Variants in SMAD2 observed in about 807,000 individuals in gnomAD.
SMAD2 encodes the protein SMAD family member 2.
A neutral mutation model predicts 64.4 loss-of-function variants in SMAD2; 8 were observed. The observed-to-expected ratio is 0.12, with a 90% CI of 0.07 to 0.22. SMAD2 has a LOEUF of 0.22. Among genes scored for constraint, SMAD2 ranks in the 10% least tolerant of loss-of-function variants. The pLI, the probability that SMAD2 is intolerant of heterozygous loss-of-function variation, is 1.00. For synonymous variants in SMAD2, 203 were observed against 195.8 expected (o/e 1.04, Z -0.31); for missense variants, 289 against 561.2 (o/e 0.51, Z 4.90).
At chr18:47,848,719 A>G (rs1223886105) in intron 7 of SMAD2, 32 bp from the exon 8 acceptor site, 1 of 1,452,934 alleles carries the variant, frequency 6.9e-7, no homozygotes, top group Non-Finnish European at 9.5e-7. Flanking sequence ...AAATAATAAA[A>G]GGAAGAAATG....
At position 47,930,441 on chromosome 18, in the gene SMAD2, AG is replaced by A. The variant is rs927373563; in HGVS notation, c.-135del. 1.3e-5 allele frequency: 2 copies of A among 151,428 alleles called. No homozygotes were observed. The highest frequency in any genetic ancestry group is 4.9e-5 in the African/African-American group (2 of 41,098). The allele number at this position is 151,428 out of a possible 1,614,324, so 9.4% of individuals were successfully genotyped here. ...GTTCCTTCCTCTTCCGATGGGATGG[AG>A]GGGGCTGGGAGGGGAAGAGGGGAAT... On this transcript the variant is annotated 5_prime_UTR_variant, in exon 1 of 11. Coordinates refer to ENST00000262160, the MANE Select transcript of SMAD2 (RefSeq NM_005901.6).
At position 47,829,950 on chromosome 18, in the gene SMAD2, C is replaced by T. The variant is rs142118224; in HGVS notation, c.*11877G>A. ...AAAAATTTGAATTTCCCTTTGCCTA[C>T]AAGTCTAAGTAACTTGCAGCAGCAA... On this transcript the variant is annotated 3_prime_UTR_variant, in exon 11 of 11. Transcript: ENST00000262160. 354 of 152,298 alleles carry T rather than the reference C, an allele frequency of 2.3e-3. 2 individuals carry two copies. The highest frequency in any genetic ancestry group is 8.1e-3 in the African/African-American group (337 of 41,566). The allele number at this position is 152,298 out of a possible 1,614,324, so 9.4% of individuals were successfully genotyped here. A position where few individuals can be genotyped will look rare whatever the true frequency, so the allele number is the denominator to read the frequency against.
chr18:47,893,531 G>A (rs1344552194), intron 2 of SMAD2, among the ~76,000 whole-genome samples: 11 of 152,208 alleles, frequency 7.2e-5, no homozygotes, highest in Non-Finnish European at 1.0e-4. Flanking sequence ...CTGAGTAAAC[G>A]TGCTTACAAA....
In SMAD2 at chr18:47,814,396, T is replaced by C. The variant is rs1015289180; in HGVS notation, c.*27431A>G. Reference sequence around the variant, plus strand: ...AGAATGAGAAGGGAGTTCTACATGCTAAGAGCTCCATTCACATACTAAAAG... The same window carrying C: ...AGAATGAGAAGGGAGTTCTACATGCCAAGAGCTCCATTCACATACTAAAAG... On this transcript the variant is annotated 3_prime_UTR_variant, in exon 11 of 11. Coordinates refer to ENST00000262160, the MANE Select transcript of SMAD2 (RefSeq NM_005901.6). 2.6e-5 allele frequency: 4 copies of C among 152,214 alleles called. No individual in the cohort carries two copies. The highest frequency in any genetic ancestry group is 4.8e-5 in the African/African-American group (2 of 41,460). 9.4% of individuals were successfully genotyped at this position (152,214 alleles called of 1,614,324 possible).
At chr18:47,901,359 T>G (rs1184228709) in intron 1 of SMAD2, among the ~76,000 whole-genome samples, 1 of 152,148 alleles carries the variant, frequency 6.6e-6, no homozygotes, top group Non-Finnish European at 1.5e-5. Flanking sequence ...TGGTATACCT[T>G]TTCGCATCAT....
intron 1 of SMAD2, among the ~76,000 whole-genome samples, chr18:47,917,321 T>C (rs1196492115): frequency 6.6e-6 from 1 of 152,234 alleles, no homozygotes; most frequent in Non-Finnish European, 1.5e-5. Context: ...TTACACCTAG[T>C]ATATCTTTTC....
chr18:47,851,225 G>A (rs1598764269), intron 7 of SMAD2, 49 bp downstream of exon 7: 2 of 1,237,888 alleles, frequency 1.6e-6, no homozygotes, highest in Non-Finnish European at 2.4e-6. Context: ...TTATTATTAA[G>A]TAGGTGATAC....
intron 10 of SMAD2, among the ~76,000 whole-genome samples, chr18:47,843,386 C>T (rs991486800): frequency 2.6e-5 from 4 of 152,160 alleles, no homozygotes; most frequent in Admixed American, 2.0e-4. Context: ...GCCCTGTTCT[C>T]CCCTGTCCCA....
intron 1 of SMAD2, among the ~76,000 whole-genome samples, chr18:47,929,865 C>T (rs924913616): frequency 3.9e-5 from 6 of 152,138 alleles, no homozygotes; most frequent in Admixed American, 2.0e-4. Flanking sequence ...AGGCTCCACC[C>T]GCAGAACAAC....
intron 2 of SMAD2, among the ~76,000 whole-genome samples, chr18:47,895,983 C>T (rs892202942): frequency 2.0e-5 from 3 of 152,162 alleles, no homozygotes; most frequent in African/African-American, 7.2e-5. Flanking sequence ...CCTCAGAAAA[C>T]TTCAGACTTT....
At position 47,854,925 on chromosome 18, in the gene SMAD2, A is replaced by G. The variant is rs534775832; in HGVS notation, c.731-3598T>C. Among the ~76,000 whole-genome samples the G allele has an allele frequency of 2.0e-5, 3 of 152,294 alleles. No individual in the cohort carries two copies. In the East Asian group the frequency reaches 5.8e-4, roughly 29 times the overall value. On this transcript the variant is annotated intron_variant, in intron 6 of 10. Transcript: ENST00000262160. ...TTATACATTCTCTGGGTTTTGACAA[A>G]TGTATAATGACGTGTATCCATTTAC...
rs1912212423 is a variant in SMAD2, at chr18:47,811,722, G to C, written c.*30105C>G. The C allele has an allele frequency of 6.6e-6, 1 of 152,100 alleles. No homozygotes were observed. Among genetic ancestry groups the C allele is most frequent in the Non-Finnish European group, 1.5e-5 (1 of 68,036 alleles). The allele number at this position is 152,100 out of a possible 1,614,324, so 9.4% of individuals were successfully genotyped here. ...GAACCCTATGAAAGGCAAAGAGCAG[G>C]GTGGAGGAAACATACCATGCATTTC... is the stretch of plus-strand genomic sequence containing the variant. On this transcript the variant is annotated 3_prime_UTR_variant, in exon 11 of 11. Coordinates refer to ENST00000262160, the MANE Select transcript of SMAD2 (RefSeq NM_005901.6).
Position 47,841,699 on chromosome 18 carries a change from A to G in SMAD2, c.*128T>C. The G allele has an allele frequency of 1.0e-6, 1 of 991,352 alleles. No individual in the cohort carries two copies. The highest frequency in any genetic ancestry group is 1.6e-6 in the Non-Finnish European group (1 of 636,362). The allele number at this position is 991,352 out of a possible 1,614,324, so 61.4% of individuals were successfully genotyped here. ...CAGATTCCACAAGGTGCTTTAATTG[A>G]TGAGACCTCAAGTGCTGTTTTCTCT... On this transcript the variant is annotated 3_prime_UTR_variant, in exon 11 of 11. Coordinates refer to ENST00000262160, the MANE Select transcript of SMAD2 (RefSeq NM_005901.6).
rs112080658 is a variant in SMAD2 at position 47,832,385 on chromosome 18, A to G, written c.*9442T>C. ...ATTTATACAGTGGCAGGTGGTAGCA[A>G]TTACAGTAAATTTTCTTGGGTTTCT... On this transcript the variant is annotated 3_prime_UTR_variant, in exon 11 of 11. Coordinates refer to ENST00000262160, the MANE Select transcript of SMAD2 (RefSeq NM_005901.6). 6.6e-6 allele frequency: 1 copy of G among 152,312 alleles called. No homozygotes were observed. The highest frequency in any genetic ancestry group is 1.5e-5 in the Non-Finnish European group (1 of 68,030). 9.4% of individuals were successfully genotyped at this position (152,312 alleles called of 1,614,324 possible).
Position 47,827,826 on chromosome 18 carries a change from G to A in SMAD2, c.*14001C>T, listed in dbSNP as rs903012400. On this transcript the variant is annotated 3_prime_UTR_variant, in exon 11 of 11. Transcript: ENST00000262160. Reference sequence around the variant, plus strand: ...GAGTGCAGTGGCACGATCTCGGCTCGCTACAACCTCCACCTCCCAGCCGCC... The same window carrying A: ...GAGTGCAGTGGCACGATCTCGGCTCACTACAACCTCCACCTCCCAGCCGCC... 3.7e-5 allele frequency: 7 copies of A among 191,620 alleles called. No homozygotes were observed. Among genetic ancestry groups the A allele is most frequent in the South Asian group, 1.8e-4 (2 of 10,820 alleles). 11.9% of individuals were successfully genotyped at this position (191,620 alleles called of 1,614,324 possible).
intron 4 of SMAD2, 122 bp from the exon 5 acceptor site, chr18:47,868,579 C>T (rs1293346168): frequency 4.1e-6 from 3 of 735,158 alleles, no homozygotes; most frequent in Non-Finnish European, 7.2e-6. Flanking sequence ...GGTCCACCTA[C>T]TCGATATATA....
chr18:47,866,032 C>T (rs1188674377), intron 5 of SMAD2, among the ~76,000 whole-genome samples: 1 of 151,840 alleles, frequency 6.6e-6, no homozygotes, highest in East Asian at 1.9e-4. Flanking sequence ...ATCAAAAGAA[C>T]GAGGCCAGGC....
intron 1 of SMAD2, among the ~76,000 whole-genome samples, chr18:47,899,561 T>G (rs2033594540): frequency 6.6e-6 from 1 of 152,162 alleles, no homozygotes; most frequent in South Asian, 2.1e-4. Context: ...TCAAGCAGCA[T>G]GATGCCAGAG....
chr18:47,834,477 T>C lies in SMAD2; in HGVS notation c.*7350A>G, dbSNP rs1230035725. 1 of 203,426 alleles carries C rather than the reference T, an allele frequency of 4.9e-6. No homozygotes were observed. The highest frequency in any genetic ancestry group is 1.0e-5 in the Non-Finnish European group (1 of 99,148). The allele number at this position is 203,426 out of a possible 1,614,324, so 12.6% of individuals were successfully genotyped here. ...TCAATCCCAGGCACTTTAGGGCAGC[T>C]GGTCACCCTGAGAACACTACCCACT... On this transcript the variant is annotated 3_prime_UTR_variant, in exon 11 of 11. Coordinates refer to ENST00000262160, the MANE Select transcript of SMAD2 (RefSeq NM_005901.6).
Sources: gnomAD v4.1 joint callset for allele counts (sites outside exome capture counted in the v4.1 genomes callset) on GRCh38, gnomAD v4.1.1 for gene constraint, MANE v1.5 for transcripts, NCBI Gene and HGNC (gene_info 2026-07-23, HGNC 2026-07-21) for gene names.